The following INVS variants were observed in gnomAD, a reference collection of about 807,000 sequenced individuals.
INVS encodes inversion of embryo turning homolog.
INVS carries 86 observed loss-of-function variants against 108.8 expected under a neutral mutation model. The observed-to-expected ratio is 0.79, with a 90% confidence interval of 0.66 to 0.95. The LOEUF (loss-of-function observed/expected upper bound fraction) is 0.95. Among genes scored for constraint, INVS ranks in the 40% least tolerant of loss-of-function variants. The probability of loss-of-function intolerance (pLI) is 0.00; values close to 1 mark genes in which losing one functional copy is unlikely to be tolerated. For missense variants in INVS, 1,169 were observed against 1,297.4 expected (o/e 0.90, Z 1.52); for synonymous variants, 455 against 473.5 (o/e 0.96, Z 0.51).
At chr9:100,299,672 ACACACAC>A (rs1025560266) in intron 16 of INVS, among the ~76,000 whole-genome samples, 2 of 145,204 alleles carry the variant, frequency 1.4e-5, no homozygotes, top group African/African-American at 2.6e-5. Context: ...ACACACACAC[ACACACAC>A]ACCTGGGCCT....
chr9:100,278,033 A>C (rs1242461703), intron 12 of INVS, among the ~76,000 whole-genome samples: 1 of 152,060 alleles, frequency 6.6e-6, no homozygotes, highest in African/African-American at 2.4e-5. Context: ...GTTTGAGACC[A>C]GCCCAGCAGT....
At chr9:100,195,406 T>A (rs758547331) in intron 3 of INVS, among the ~76,000 whole-genome samples, 5 of 152,172 alleles carry the variant, frequency 3.3e-5, no homozygotes, top group Admixed American at 2.6e-4. Context: ...ACACTTGAAC[T>A]CCTAGGCTCA....
chr9:100,262,148 C>T (rs1003673822), intron 10 of INVS, among the ~76,000 whole-genome samples: 5 of 150,224 alleles, frequency 3.3e-5, no homozygotes, highest in Non-Finnish European at 4.4e-5. Flanking sequence ...AAGATTTTTG[C>T]GTCTATGTTT....
At chr9:100,293,562 G>C (rs563859149) in intron 14 of INVS, among the ~76,000 whole-genome samples, 45 of 152,160 alleles carry the variant, frequency 3.0e-4, no homozygotes, top group Admixed American at 2.8e-3. Context: ...CCTAAACCAG[G>C]GTCTGGATAT....
chr9:100,296,496 C>G (rs575914549), intron 14 of INVS, among the ~76,000 whole-genome samples: 1 of 152,218 alleles, frequency 6.6e-6, no homozygotes, highest in Non-Finnish European at 1.5e-5. Flanking sequence ...AGTTCTGCTA[C>G]GTAGAATGCC....
intron 8 of INVS, among the ~76,000 whole-genome samples, chr9:100,251,586 G>A (rs1832238453): frequency 6.6e-6 from 1 of 152,038 alleles, no homozygotes; most frequent in South Asian, 2.1e-4. Context: ...TTTTTGAGAT[G>A]AGGTCTTTCT....
chr9:100,150,980 A>G (rs1828791224), intron 3 of INVS, among the ~76,000 whole-genome samples: 1 of 152,212 alleles, frequency 6.6e-6, no homozygotes, highest in South Asian at 2.1e-4. Flanking sequence ...AGCAATCAAA[A>G]TAGTATTCAG....
intron 4 of INVS, among the ~76,000 whole-genome samples, chr9:100,229,168 T>A (rs756837249): frequency 6.6e-6 from 1 of 152,200 alleles, no homozygotes; most frequent in Non-Finnish European, 1.5e-5. Context: ...ACCTTTTCAC[T>A]TAAAGGAAAC....
chr9:100,144,405 A>AT, intron 3 of INVS, among the ~76,000 whole-genome samples: 1 of 152,288 alleles, frequency 6.6e-6, no homozygotes, highest in East Asian at 1.9e-4. Context: ...TCAAATGTAT[A>AT]TTGAGAATAA....
At chr9:100,176,714 G>A (rs1311994349) in intron 3 of INVS, among the ~76,000 whole-genome samples, 4 of 152,048 alleles carry the variant, frequency 2.6e-5, no homozygotes, top group Non-Finnish European at 5.9e-5. Context: ...CTGACCTTGT[G>A]ATCCGCCCGC....
intron 3 of INVS, among the ~76,000 whole-genome samples, chr9:100,127,297 A>G (rs1450143717): frequency 6.6e-6 from 1 of 152,120 alleles, no homozygotes; most frequent in East Asian, 1.9e-4. Context: ...TTCTGAATGT[A>G]TTTTCAACTT....
rs1258516824 is a variant in INVS, at chr9:100,302,105, A to ATGAC, written c.*1432_*1435dup. On this transcript the variant is annotated 3_prime_UTR_variant, in exon 17 of 17. Coordinates refer to ENST00000262457, the MANE Select transcript of INVS (RefSeq NM_014425.5). ...AAACTTCTTTAAAAGTTCAGCTTTA[A>ATGAC]TGACAAAGATCTATTACATCAGTCT... is the stretch of plus-strand genomic sequence containing the variant. 22 of 782,164 alleles carry ATGAC rather than the reference A, an allele frequency of 2.8e-5. No individual in the cohort carries two copies. The highest frequency in any genetic ancestry group is 3.2e-5 in the Non-Finnish European group (16 of 505,968). The allele number at this position is 782,164 out of a possible 1,614,324, so 48.5% of individuals were successfully genotyped here.
rs535926627 is a variant in INVS, at chr9:100,148,167, G to A, written c.273+21618G>A. On this transcript the variant is annotated intron_variant, in intron 3 of 16. Coordinates refer to ENST00000262457, the MANE Select transcript of INVS (RefSeq NM_014425.5). ...CTAGCCTGGACAACAGAGTGAGACC[G>A]TGTCTCTAAAAAAAACAGAAATAAA... Among the ~76,000 whole-genome samples, 7 of 151,940 alleles carry A rather than the reference G, an allele frequency of 4.6e-5. No homozygotes were observed. The South Asian group carries it at 6.2e-4, about 14-fold the overall frequency.
At chr9:100,180,587 C>A (rs1480578868) in intron 3 of INVS, among the ~76,000 whole-genome samples, 1 of 151,954 alleles carries the variant, frequency 6.6e-6, no homozygotes, top group Non-Finnish European at 1.5e-5. Flanking sequence ...AGGAAGAAGT[C>A]GAATCCCTGA....
intron 3 of INVS, among the ~76,000 whole-genome samples, chr9:100,189,097 T>TTGCA (rs1830141666): frequency 6.7e-6 from 1 of 149,782 alleles, no homozygotes; most frequent in African/African-American, 2.5e-5. Context: ...TGGAACTTAT[T>TTGCA]TGCATCTTCT....
chr9:100,252,042 A>T (rs1249614645), intron 8 of INVS, among the ~76,000 whole-genome samples: 1 of 152,240 alleles, frequency 6.6e-6, no homozygotes, highest in East Asian at 1.9e-4. Context: ...GACCAACAGG[A>T]TGGAAAGGAA....
intron 3 of INVS, among the ~76,000 whole-genome samples, chr9:100,194,004 T>G (rs923097184): frequency 2.0e-5 from 3 of 152,232 alleles, no homozygotes; most frequent in Admixed American, 1.3e-4. Flanking sequence ...GGTTGTTTTC[T>G]GTTTTGGGCT....
intron 10 of INVS, among the ~76,000 whole-genome samples, chr9:100,260,467 A>G (rs574948174): frequency 2.6e-5 from 4 of 152,314 alleles, no homozygotes; most frequent in Admixed American, 2.0e-4. Flanking sequence ...CTGGGATTAC[A>G]GGTGTGAGCC....
intron 9 of INVS, 37 bp downstream of exon 9, chr9:100,252,475 A>C: frequency 6.3e-7 from 1 of 1,577,908 alleles, no homozygotes; most frequent in Non-Finnish European, 8.7e-7. Flanking sequence ...AGTCTCTCTT[A>C]ACAGGTAGGA....
Sources: gnomAD v4.1 joint callset for allele counts (sites outside exome capture counted in the v4.1 genomes callset) on GRCh38, gnomAD v4.1.1 for gene constraint, MANE v1.5 for transcripts, NCBI Gene and HGNC (gene_info 2026-07-23, HGNC 2026-07-21) for gene names.